Variants in NDRG3 observed in about 807,000 individuals in gnomAD.
The protein encoded by NDRG3 is protein NDRG3.
In NDRG3, 23 loss-of-function variants were observed where a neutral mutation model predicts 57.2. The ratio of observed to expected loss-of-function variants is 0.40; its 90% CI spans 0.29 to 0.57. NDRG3 has a LOEUF of 0.57. NDRG3 is among the 20% of genes least tolerant of loss of function. The pLI, the probability that NDRG3 is intolerant of heterozygous loss-of-function variation, is 0.42. For synonymous variants in NDRG3, 132 were observed against 162.6 expected, an observed-to-expected ratio of 0.81 and a Z score of 1.43; for missense variants, 384 against 457.3, an observed-to-expected ratio of 0.84 and a Z score of 1.46.
intron 8 of NDRG3, among the ~76,000 whole-genome samples, chr20:36,677,527 A>C (rs1292808214): frequency 1.3e-5 from 2 of 152,214 alleles, no homozygotes; most frequent in African/African-American, 4.8e-5. Context: ...AAGAAGGTAG[A>C]GACACTGGAC....
chr20:36,674,451 C>T (rs767193211), intron 8 of NDRG3, among the ~76,000 whole-genome samples: 3 of 152,038 alleles, frequency 2.0e-5, no homozygotes, highest in Non-Finnish European at 4.4e-5. Flanking sequence ...GATCCGCCCA[C>T]CTCGACCTCC....
At chr20:36,677,111 T>G (rs397625) in intron 8 of NDRG3, among the ~76,000 whole-genome samples, 1 of 152,138 alleles carries the variant, frequency 6.6e-6, no homozygotes, top group Non-Finnish European at 1.5e-5. Flanking sequence ...GAGCAGGAGC[T>G]GGGGACAAGC....
At chr20:36,745,308 C>G (rs1303588546) in intron 1 of NDRG3, among the ~76,000 whole-genome samples, 4 of 152,188 alleles carry the variant, frequency 2.6e-5, no homozygotes, top group African/African-American at 9.7e-5. Flanking sequence ...ACTCCGACAA[C>G]AAGAAAATCT....
rs544238494 is a variant in NDRG3 at position 36,739,186 on chromosome 20, TGCCTGTAATCCCAGCACTTTGGGAG to T, written c.-49+6834_-49+6858del. ...AAAAAAGGCCAGGCACAGTGGCTCA[TGCCTGTAATCCCAGCACTTTGGGAG>T]GCCGAGGCTGGCGGATCACGAGGTC... On this transcript the variant is annotated intron_variant, in intron 1 of 15. Transcript: ENST00000349004. 1.3e-4 allele frequency among the ~76,000 whole-genome samples: 16 copies of T among 120,650 alleles called. No homozygotes were observed. In the East Asian group the frequency reaches 4.0e-3, roughly 30 times the overall value. 79.2% of individuals were successfully genotyped at this position (120,650 alleles called of 152,430 possible).
At chr20:36,656,132 C>CA (rs1180409064) in intron 15 of NDRG3, among the ~76,000 whole-genome samples, 1,255 of 48,012 alleles carry the variant, frequency 0.026, 21 homozygotes, top group South Asian at 0.096. Context: ...GACTCTGTCT[C>CA]AAAAAAAAAA....
chr20:36,656,767 TG>T (rs2148018409), intron 13 of NDRG3, among the ~76,000 whole-genome samples: 1 of 152,340 alleles, frequency 6.6e-6, no homozygotes, highest in Admixed American at 6.5e-5. Flanking sequence ...AGGCCCATGG[TG>T]GGAATTTTCT....
chr20:36,715,004 GTGTA>G (rs1474895358), intron 2 of NDRG3, among the ~76,000 whole-genome samples: 1,073 of 32,248 alleles, frequency 0.033, 7 homozygotes, highest in Middle Eastern at 0.048. Context: ...GTGTGTGTGT[GTGTA>G]TATATATATA....
intron 2 of NDRG3, among the ~76,000 whole-genome samples, chr20:36,719,166 C>T (rs182878979): frequency 4.6e-5 from 7 of 152,180 alleles, no homozygotes; most frequent in African/African-American, 1.7e-4. Context: ...TGGAAGTTCA[C>T]GCCTGTAATC....
intron 3 of NDRG3, among the ~76,000 whole-genome samples, chr20:36,694,103 T>G (rs980784338): frequency 1.3e-5 from 2 of 152,148 alleles, no homozygotes; most frequent in Non-Finnish European, 2.9e-5. Context: ...CATAAAGGTC[T>G]TCATCCTTGT....
chr20:36,676,603 C>A (rs990030828), intron 8 of NDRG3, among the ~76,000 whole-genome samples: 3 of 152,192 alleles, frequency 2.0e-5, no homozygotes, highest in African/African-American at 7.2e-5. Context: ...GCTGGGATTA[C>A]AGGCATACAC....
intron 2 of NDRG3, among the ~76,000 whole-genome samples, chr20:36,719,936 G>A (rs1484826975): frequency 6.6e-6 from 1 of 151,742 alleles, no homozygotes; most frequent in Non-Finnish European, 1.5e-5. Context: ...CCAACATGGT[G>A]AAACCCTGTC....
intron 1 of NDRG3, among the ~76,000 whole-genome samples, chr20:36,723,356 A>C (rs1004766243): frequency 6.6e-6 from 1 of 152,116 alleles, no homozygotes; most frequent in Admixed American, 6.6e-5. Flanking sequence ...GCAAATACTC[A>C]ATATTGCAGG....
At chr20:36,656,132 C>CAAAAAAAAAAAAAAAAAA (rs1180409064) in intron 15 of NDRG3, among the ~76,000 whole-genome samples, 1 of 49,254 alleles carries the variant, frequency 2.0e-5, no homozygotes. Context: ...GACTCTGTCT[C>CAAAAAAAAAAAAAAAAAA]AAAAAAAAAA....
Position 36,695,183 on chromosome 20 carries a change from C to T in NDRG3, c.94-6399G>A, listed in dbSNP as rs185222677. 7.2e-5 allele frequency among the ~76,000 whole-genome samples: 11 copies of T among 151,988 alleles called. No homozygotes were observed. The East Asian group carries it at 2.1e-3, about 29-fold the overall frequency. ...AATCAATACTCATAATTTCCTATGCCTGTCCTTACTTTAATCTCTTAATGC... is the reference window on the plus strand; with the variant it reads ...AATCAATACTCATAATTTCCTATGCTTGTCCTTACTTTAATCTCTTAATGC... On this transcript the variant is annotated intron_variant, in intron 3 of 15. Coordinates refer to ENST00000349004, the MANE Select transcript of NDRG3 (RefSeq NM_032013.4).
intron 1 of NDRG3, among the ~76,000 whole-genome samples, chr20:36,730,143 A>G (rs1985188064): frequency 6.6e-6 from 1 of 151,284 alleles, no homozygotes; most frequent in Non-Finnish European, 1.5e-5. Flanking sequence ...GCTACTCGGG[A>G]GGCAGAAGCA....
At chr20:36,668,561 T>C (rs1485698004) in intron 9 of NDRG3, 1 of 152,190 alleles carries the variant, frequency 6.6e-6, no homozygotes, top group Admixed American at 6.5e-5. Flanking sequence ...TATTATCTTT[T>C]TGACTGGTCA....
intron 2 of NDRG3, among the ~76,000 whole-genome samples, chr20:36,713,902 A>G (rs1034280290): frequency 2.0e-5 from 3 of 152,194 alleles, no homozygotes; most frequent in African/African-American, 7.2e-5. Flanking sequence ...CTGATAAAAA[A>G]CTGTTAAAGA....
At chr20:36,728,232 T>A (rs1985064293) in intron 1 of NDRG3, among the ~76,000 whole-genome samples, 1 of 151,976 alleles carries the variant, frequency 6.6e-6, no homozygotes, top group Non-Finnish European at 1.5e-5. Flanking sequence ...TTTTTTGTAT[T>A]TTTAGTAGAG....
intron 1 of NDRG3, among the ~76,000 whole-genome samples, chr20:36,737,123 C>T (rs185321830): frequency 8.5e-5 from 13 of 152,290 alleles, no homozygotes; most frequent in African/African-American, 3.1e-4. Context: ...AATTCTATCC[C>T]TTCCAGGGTC....
Sources: gnomAD v4.1 joint callset for allele counts (sites outside exome capture counted in the v4.1 genomes callset) on GRCh38, gnomAD v4.1.1 for gene constraint, MANE v1.5 for transcripts, NCBI Gene and HGNC (gene_info 2026-07-23, HGNC 2026-07-21) for gene names.